Variants in PALLD observed in about 807,000 individuals in gnomAD.
The protein encoded by PALLD is palladin.
In PALLD, 61 loss-of-function variants were observed where a neutral mutation model predicts 123.5. The observed-to-expected ratio is 0.49, with a 90% CI of 0.40 to 0.61. The LOEUF (loss-of-function observed/expected upper bound fraction) is 0.61. PALLD is among the 20% of genes least tolerant of loss of function. The probability of loss-of-function intolerance (pLI) is 0.00; values close to 1 mark genes in which losing one functional copy is unlikely to be tolerated. For missense variants in PALLD, 1,273 were observed against 1,377.0 expected (o/e 0.92, Z 1.20); for synonymous variants, 465 against 496.4 (o/e 0.94, Z 0.84).
intron 10 of PALLD, among the ~76,000 whole-genome samples, chr4:168,889,065 G>C (rs185159721): frequency 1.3e-5 from 2 of 151,702 alleles, no homozygotes; most frequent in South Asian, 2.1e-4. Context: ...GCTTTCTACT[G>C]TATCAGTGAA....
At chr4:168,673,669 G>C (rs542948022) in intron 3 of PALLD, among the ~76,000 whole-genome samples, 1 of 152,218 alleles carries the variant, frequency 6.6e-6, no homozygotes, top group African/African-American at 2.4e-5. Context: ...GGATATGGCG[G>C]AGATGAGGGA....
intron 2 of PALLD, among the ~76,000 whole-genome samples, chr4:168,625,502 G>GATAGATAGATAGATAGATAT: frequency 4.4e-4 from 50 of 114,442 alleles, no homozygotes; most frequent in Non-Finnish European, 8.2e-4. Context: ...ATATCCAGGA[G>GATAGATAGATAGATAGATAT]ATATATATAT....
At chr4:168,568,861 G>T (rs944537819) in intron 2 of PALLD, among the ~76,000 whole-genome samples, 5 of 151,542 alleles carry the variant, frequency 3.3e-5, no homozygotes, top group African/African-American at 1.2e-4. Flanking sequence ...TAAATATATT[G>T]TAATTGGTTT....
Position 168,890,969 on chromosome 4 carries a change from A to T in PALLD, c.2012A>T (p.Glu671Val), listed in dbSNP as rs753140123. The T allele has an allele frequency of 2.5e-6, 4 of 1,613,912 alleles. No homozygotes were observed. Among genetic ancestry groups the T allele is most frequent in the African/African-American group, 1.3e-5 (1 of 74,940 alleles). The change falls in exon 11 of 22, where the codon GAG (glutamate) becomes GTG (valine). Residue 671 changes from glutamate to valine, a missense_variant. Coordinates refer to ENST00000505667, the MANE Select transcript of PALLD (RefSeq NM_001166108.2). ...AGAACTGCTAGAATAGCCTCCGATG[A>T]GGAAATTCAAGGCACAAAGGATGCT... ...ASRTARIASD[E>V]EIQGTKDAVI...
In PALLD at chr4:168,894,369, G is replaced by C. The variant is rs1398780070; in HGVS notation, c.2101-210G>C. 10 of 579,936 alleles carry C rather than the reference G, an allele frequency of 1.7e-5. No homozygotes were observed. The Admixed American group carries it at 2.2e-4, about 13-fold the overall frequency. 35.9% of individuals were successfully genotyped at this position (579,936 alleles called of 1,614,324 possible). Reference sequence around the variant, plus strand: ...TAAATTTGTGCTGTACCAATTGGTGGCTCTCTGGATTAGGCCATTAGTACT... The same window carrying C: ...TAAATTTGTGCTGTACCAATTGGTGCCTCTCTGGATTAGGCCATTAGTACT... On this transcript the variant is annotated intron_variant, in intron 11 of 21. Coordinates refer to ENST00000505667, the MANE Select transcript of PALLD (RefSeq NM_001166108.2).
intron 10 of PALLD, among the ~76,000 whole-genome samples, chr4:168,784,099 T>A (rs560381252): frequency 4.9e-4 from 75 of 151,904 alleles, no homozygotes; most frequent in African/African-American, 1.5e-3. Flanking sequence ...TTAAAAAAAA[T>A]TTTGGTCTGA....
chr4:168,580,239 GGT>G (rs59142111), intron 2 of PALLD, among the ~76,000 whole-genome samples: 24,409 of 147,000 alleles, frequency 0.17, 3,193 homozygotes, highest in African/African-American at 0.37. Context: ...ATTTCACTGT[GGT>G]GTGTGTGTGT....
intron 9 of PALLD, among the ~76,000 whole-genome samples, chr4:168,710,810 C>T (rs1383861053): frequency 1.3e-5 from 2 of 152,160 alleles, no homozygotes; most frequent in Admixed American, 6.5e-5. Context: ...ACCCTGGGCT[C>T]TATAAGTCTG....
intron 2 of PALLD, among the ~76,000 whole-genome samples, chr4:168,656,266 G>A (rs1301666227): frequency 2.5e-5 from 3 of 118,122 alleles, no homozygotes; most frequent in Non-Finnish European, 4.8e-5. Context: ...CCAACGCTTT[G>A]GAGCCTTGAA....
chr4:168,536,829 C>CT (rs1422372476), intron 2 of PALLD, among the ~76,000 whole-genome samples: 10 of 119,178 alleles, frequency 8.4e-5, no homozygotes, highest in African/African-American at 3.8e-4. Flanking sequence ...AAAAGGTTCT[C>CT]TCTTTTTTTT....
chr4:168,865,540 T>C (rs931094694), intron 10 of PALLD, among the ~76,000 whole-genome samples: 2 of 152,230 alleles, frequency 1.3e-5, no homozygotes, highest in African/African-American at 2.4e-5. Context: ...CCAAAATATG[T>C]AGAAAATGTT....
At position 168,771,085 on chromosome 4, in the gene PALLD, A is replaced by AAAAAAC. The variant is rs1195167673; in HGVS notation, c.1964+59163_1964+59164insAAAACA. 1.1e-3 allele frequency among the ~76,000 whole-genome samples: 158 copies of AAAAAAC among 149,656 alleles called. 1 individual carries two copies. Among genetic ancestry groups the AAAAAAC allele is most frequent in the African/African-American group, 3.6e-3 (145 of 40,430 alleles). ...CTCAAAAAAAAAAAAACAAAAAAAA[A>AAAAAAC]ACCTTAGTTTCTGAAACCCATAATG... On this transcript the variant is annotated intron_variant, in intron 10 of 21. Coordinates refer to ENST00000505667, the MANE Select transcript of PALLD (RefSeq NM_001166108.2).
intron 2 of PALLD, among the ~76,000 whole-genome samples, chr4:168,575,702 C>T (rs1420985998): frequency 6.6e-6 from 1 of 152,008 alleles, no homozygotes; most frequent in Non-Finnish European, 1.5e-5. Context: ...GTTTCATGCA[C>T]CTATGAATCA....
At chr4:168,861,020 C>T (rs1560810133) in intron 10 of PALLD, among the ~76,000 whole-genome samples, 1 of 152,166 alleles carries the variant, frequency 6.6e-6, no homozygotes, top group African/African-American at 2.4e-5. Context: ...CCCCAGGATA[C>T]CACAGCTGAC....
At chr4:168,608,122 G>A (rs762193364) in intron 2 of PALLD, among the ~76,000 whole-genome samples, 5 of 152,168 alleles carry the variant, frequency 3.3e-5, no homozygotes, top group Admixed American at 1.3e-4. Context: ...TTAAACAATC[G>A]CTGTGGCTGT....
At chr4:168,633,511 T>C (rs1776039131) in intron 2 of PALLD, among the ~76,000 whole-genome samples, 1 of 152,230 alleles carries the variant, frequency 6.6e-6, no homozygotes. Context: ...ATTGTTCCTT[T>C]AGGAAAGAGA....
At chr4:168,506,156 C>T (rs1193534628) in intron 1 of PALLD, 1 of 152,236 alleles carries the variant, frequency 6.6e-6, no homozygotes, top group Admixed American at 6.6e-5. Flanking sequence ...ATTGCACAAT[C>T]ACACAGATTA....
intron 10 of PALLD, among the ~76,000 whole-genome samples, chr4:168,834,867 A>G (rs529343544): frequency 1.3e-5 from 2 of 149,946 alleles, no homozygotes; most frequent in South Asian, 4.2e-4. Flanking sequence ...GGGTAGTTGC[A>G]TTTTTGCATT....
intron 6 of PALLD, among the ~76,000 whole-genome samples, chr4:168,687,630 C>G (rs138956512): frequency 6.6e-6 from 1 of 152,144 alleles, no homozygotes; most frequent in African/African-American, 2.4e-5. Context: ...CTTTCACTAC[C>G]GGGCTTTCCT....
Sources: gnomAD v4.1 joint callset for allele counts (sites outside exome capture counted in the v4.1 genomes callset) on GRCh38, gnomAD v4.1.1 for gene constraint, MANE v1.5 for transcripts, NCBI Gene and HGNC (gene_info 2026-07-23, HGNC 2026-07-21) for gene names.